Variants in ANK2 observed in about 807,000 individuals in gnomAD.
ANK2 encodes ankyrin-2.
Under a neutral mutation model 360.5 loss-of-function variants are expected in ANK2, and 83 were observed. The ratio of observed to expected loss-of-function variants is 0.23; its 90% CI spans 0.19 to 0.28. The LOEUF (loss-of-function observed/expected upper bound fraction) is 0.28, where lower values mean the gene tolerates loss of function less well. Among genes scored for constraint, ANK2 ranks in the 10% least tolerant of loss-of-function variants. The probability of loss-of-function intolerance (pLI) is 1.00; values close to 1 mark genes in which losing one functional copy is unlikely to be tolerated. For synonymous variants in ANK2, 1,740 were observed against 1,759.5 expected (o/e 0.99, Z 0.28); for missense variants, 4,201 against 4,795.7 (o/e 0.88, Z 3.66).
the ANK2 span, among the ~76,000 whole-genome samples, chr4:112,776,404 T>C: frequency 1.3e-5 from 2 of 152,168 alleles, no homozygotes; most frequent in Non-Finnish European, 2.9e-5. Context: ...GGTGGAAAAG[T>C]AACTAGGAAG....
Position 113,354,725 on chromosome 4 carries a change from T to C in ANK2, c.6107T>C (p.Ile2036Thr), listed in dbSNP as rs2095639261. 2 of 1,613,664 alleles carry C rather than the reference T, an allele frequency of 1.2e-6. No homozygotes were observed. The highest frequency in any genetic ancestry group is 8.5e-7 in the Non-Finnish European group (1 of 1,179,930). ...KVRVEKEKGPILTQREAQKTE... is the reference protein window; with the variant it reads ...KVRVEKEKGPTLTQREAQKTE... ...CGGGTAGAAAAAGAAAAGGGGCCGATACTAACCCAGAGAGAAGCTCAGAAA... is the reference window on the plus strand; with the variant it reads ...CGGGTAGAAAAAGAAAAGGGGCCGACACTAACCCAGAGAGAAGCTCAGAAA... The change falls in exon 38 of 46, where the codon ATA (isoleucine) becomes ACA (threonine). Residue 2036 changes from isoleucine (I) to threonine (T), a missense_variant. Coordinates refer to ENST00000357077, the MANE Select transcript of ANK2 (RefSeq NM_001148.6).
intron 13 of ANK2, among the ~76,000 whole-genome samples, chr4:113,260,032 A>G (rs2051876178): frequency 6.6e-6 from 1 of 152,150 alleles, no homozygotes; most frequent in Non-Finnish European, 1.5e-5. Flanking sequence ...CTGTTACAAT[A>G]TGTTATCACA....
intron 14 of ANK2, among the ~76,000 whole-genome samples, chr4:113,270,264 T>G (rs1404992395): frequency 1.3e-5 from 2 of 152,178 alleles, no homozygotes; most frequent in Admixed American, 6.5e-5. Flanking sequence ...AAATTAAAAT[T>G]TCTACTTTTA....
At chr4:113,380,182 A>C (rs1027183468) in intron 45 of ANK2, among the ~76,000 whole-genome samples, 1 of 152,174 alleles carries the variant, frequency 6.6e-6, no homozygotes, top group Non-Finnish European at 1.5e-5. Flanking sequence ...ATAGTGAAAA[A>C]GGCTGCTCTG....
chr4:112,951,044 T>G lies in ANK2; in HGVS notation c.21+46530T>G, dbSNP rs530318915. Among the ~76,000 whole-genome samples, 6 of 124,910 alleles carry G rather than the reference T, an allele frequency of 4.8e-5. No homozygotes were observed. The South Asian group carries it at 1.6e-3, about 33-fold the overall frequency. 81.9% of individuals were successfully genotyped at this position (124,910 alleles called of 152,430 possible). A position where few individuals can be genotyped will look rare whatever the true frequency, so the allele number is the denominator to read the frequency against. ...TTGCAGTGAGCCGAGATCCCGCCAC[T>G]GCACTCCAGCCTGGGCGACAGAGCG... On this transcript the variant is annotated intron_variant, in intron 2 of 30. Coordinates refer to the ANK2 transcript ENST00000503271.
At chr4:113,075,308 C>T (rs377238890) in intron 1 of ANK2, among the ~76,000 whole-genome samples, 1 of 152,148 alleles carries the variant, frequency 6.6e-6, no homozygotes, top group Non-Finnish European at 1.5e-5. Context: ...ATATATGTCA[C>T]CCTATATATC....
At chr4:113,134,501 C>T (rs2096274225) in intron 1 of ANK2, among the ~76,000 whole-genome samples, 1 of 151,852 alleles carries the variant, frequency 6.6e-6, no homozygotes, top group Non-Finnish European at 1.5e-5. Flanking sequence ...ATTGATCCCC[C>T]CTTATCTTAG....
intron 1 of ANK2, among the ~76,000 whole-genome samples, chr4:113,149,560 A>G (rs1378946399): frequency 6.6e-6 from 1 of 152,106 alleles, no homozygotes; most frequent in Non-Finnish European, 1.5e-5. Context: ...AGATATGGTT[A>G]TGTAACTTTT....
chr4:112,780,347 A>G, the ANK2 span, among the ~76,000 whole-genome samples: 1 of 152,214 alleles, frequency 6.6e-6, no homozygotes, highest in East Asian at 1.9e-4. Context: ...AGATTTTTAA[A>G]TTCTATTGCT....
At chr4:113,363,987 A>G (rs1410584980) in intron 40 of ANK2, among the ~76,000 whole-genome samples, 3 of 152,224 alleles carry the variant, frequency 2.0e-5, no homozygotes, top group South Asian at 4.1e-4. Context: ...TATAGAGTCC[A>G]TGGTAATTAC....
At chr4:113,208,674 T>A (rs947248136) in intron 4 of ANK2, among the ~76,000 whole-genome samples, 35 of 151,922 alleles carry the variant, frequency 2.3e-4, no homozygotes, top group African/African-American at 8.5e-4. Context: ...ACTAATTTTT[T>A]AAATGTTTTG....
At position 113,318,500 on chromosome 4, in the gene ANK2, G is replaced by A. The variant is rs2084155447; in HGVS notation, c.2797-17G>A. 1.3e-6 allele frequency: 2 copies of A among 1,593,336 alleles called. No individual in the cohort carries two copies. Among genetic ancestry groups the A allele is most frequent in the Non-Finnish European group, 1.7e-6 (2 of 1,162,118 alleles). On this transcript the variant is annotated splice_polypyrimidine_tract_variant and intron_variant, in intron 25 of 45. Coordinates refer to ENST00000357077, the MANE Select transcript of ANK2 (RefSeq NM_001148.6). Reference sequence around the variant, plus strand: ...AAGCAAAGTGTGTTTATTCAATCCAGTGTTCTTTGTGTTTAGGTGTCAACT... The same window carrying A: ...AAGCAAAGTGTGTTTATTCAATCCAATGTTCTTTGTGTTTAGGTGTCAACT...
chr4:113,151,516 C>G (rs1243149132), intron 1 of ANK2, among the ~76,000 whole-genome samples: 1 of 152,074 alleles, frequency 6.6e-6, no homozygotes, highest in Non-Finnish European at 1.5e-5. Flanking sequence ...AAACTCACTC[C>G]TTATCACCAG....
At chr4:113,180,589 G>A (rs1193029419) in intron 2 of ANK2, among the ~76,000 whole-genome samples, 2 of 152,124 alleles carry the variant, frequency 1.3e-5, no homozygotes, top group African/African-American at 4.8e-5. Context: ...TATCTGGGTT[G>A]CATTAAACTG....
chr4:113,023,183 G>A (rs2058542263), intron 2 of ANK2, among the ~76,000 whole-genome samples: 1 of 152,178 alleles, frequency 6.6e-6, no homozygotes, highest in East Asian at 1.9e-4. Flanking sequence ...GAAAACAGAA[G>A]TGAGCCAGTT....
At chr4:113,008,435 C>T (rs1402348381) in intron 2 of ANK2, among the ~76,000 whole-genome samples, 1 of 152,120 alleles carries the variant, frequency 6.6e-6, no homozygotes, top group Non-Finnish European at 1.5e-5. Context: ...ATTTAATTCT[C>T]CTATTTGGAA....
the ANK2 span, among the ~76,000 whole-genome samples, chr4:112,718,065 T>C: frequency 6.6e-6 from 1 of 152,362 alleles, no homozygotes; most frequent in South Asian, 2.1e-4. Flanking sequence ...TCTCACATAT[T>C]CTTGCCTTCT....
chr4:113,381,557 C>A lies in ANK2; in HGVS notation c.*86C>A. On this transcript the variant is annotated 3_prime_UTR_variant, in exon 46 of 46. Coordinates refer to ENST00000357077, the MANE Select transcript of ANK2 (RefSeq NM_001148.6). ...GCACCTGGAGGATGTACCAGAAGCA[C>A]TAGACCAGGACGACCTCCAGCGCGA... The A allele has an allele frequency of 2.5e-6, 4 of 1,612,062 alleles. No individual in the cohort carries two copies. In the South Asian group the frequency reaches 3.3e-5, roughly 13 times the overall value.
At chr4:113,253,479 A>C (rs181397614) in intron 10 of ANK2, among the ~76,000 whole-genome samples, 1 of 152,124 alleles carries the variant, frequency 6.6e-6, no homozygotes, top group Non-Finnish European at 1.5e-5. Context: ...GGGCATCTCA[A>C]ATTTAGTAAG....
Sources: gnomAD v4.1 joint callset for allele counts (sites outside exome capture counted in the v4.1 genomes callset) on GRCh38, gnomAD v4.1.1 for gene constraint, MANE v1.5 for transcripts, NCBI Gene and HGNC (gene_info 2026-07-23, HGNC 2026-07-21) for gene names.